CDH12: variants seen among roughly 807,000 people sequenced by gnomAD.
CDH12 encodes the protein cadherin-12.
Under a neutral mutation model 74.1 loss-of-function variants are expected in CDH12, and 41 were observed. That is an observed-to-expected ratio of 0.55 (90% CI 0.43 to 0.72). The LOEUF is 0.72. CDH12 is among the 30% of genes least tolerant of loss of function. The probability of loss-of-function intolerance (pLI) is 0.00; values close to 1 mark genes in which losing one functional copy is unlikely to be tolerated. For synonymous variants in CDH12, 399 were observed against 355.0 expected (o/e 1.12, Z -1.39); for missense variants, 945 against 977.2 (o/e 0.97, Z 0.44).
chr5:22,034,597 A>G (rs771535964), intron 5 of CDH12, among the ~76,000 whole-genome samples: 3 of 152,106 alleles, frequency 2.0e-5, no homozygotes, highest in Non-Finnish European at 4.4e-5. Flanking sequence ...ATAAAGGATA[A>G]TTTTCTAGTC....
At chr5:21,982,720 GT>G (rs1757362014) in intron 5 of CDH12, among the ~76,000 whole-genome samples, 1 of 151,334 alleles carries the variant, frequency 6.6e-6, no homozygotes, top group South Asian at 2.1e-4. Context: ...AGCCTTCTAA[GT>G]TTTGTCTATC....
intron 8 of CDH12, among the ~76,000 whole-genome samples, chr5:21,839,050 C>A (rs911500474): frequency 3.9e-5 from 6 of 152,140 alleles, no homozygotes; most frequent in African/African-American, 1.4e-4. Context: ...CAAAACAGCG[C>A]CCAATTTCAC....
intron 1 of CDH12, among the ~76,000 whole-genome samples, chr5:22,535,740 G>C (rs1737817041): frequency 6.6e-6 from 1 of 152,156 alleles, no homozygotes; most frequent in Non-Finnish European, 1.5e-5. Flanking sequence ...AAATTTATTT[G>C]ACCATAGAAT....
intron 12 of CDH12, 72 bp downstream of exon 12, chr5:21,764,906 G>T: frequency 7.0e-7 from 1 of 1,418,566 alleles, no homozygotes; most frequent in Non-Finnish European, 9.9e-7. Context: ...GCATATTCAT[G>T]TCTGGACTTA....
intron 6 of CDH12, among the ~76,000 whole-genome samples, chr5:21,931,162 T>A (rs1754818374): frequency 6.6e-6 from 1 of 152,144 alleles, no homozygotes; most frequent in African/African-American, 2.4e-5. Context: ...GAACAGGATA[T>A]CTTATTAGTA....
intron 6 of CDH12, among the ~76,000 whole-genome samples, chr5:21,894,205 C>A (rs767406196): frequency 4.0e-5 from 6 of 151,726 alleles, no homozygotes; most frequent in Non-Finnish European, 8.8e-5. Flanking sequence ...ATAGTGACAC[C>A]TTGTCTCTAC....
chr5:22,375,271 C>T (rs190117481), intron 3 of CDH12, among the ~76,000 whole-genome samples: 1 of 152,160 alleles, frequency 6.6e-6, no homozygotes, highest in Non-Finnish European at 1.5e-5. Flanking sequence ...ACTCCTATCT[C>T]TCCCCATACA....
At chr5:22,247,543 C>T (rs577437889) in intron 3 of CDH12, among the ~76,000 whole-genome samples, 64 of 152,100 alleles carry the variant, frequency 4.2e-4, no homozygotes, top group Non-Finnish European at 6.9e-4. Flanking sequence ...GGCATGGTGG[C>T]GCGTGCCTGT....
chr5:22,831,898 C>A (rs990426696), intron 1 of CDH12, among the ~76,000 whole-genome samples: 5 of 151,114 alleles, frequency 3.3e-5, no homozygotes, highest in African/African-American at 1.2e-4. Context: ...CTCTGTCCCC[C>A]CCAAAAAAAA....
chr5:22,686,904 A>G (rs1200626254), intron 1 of CDH12, among the ~76,000 whole-genome samples: 1 of 151,688 alleles, frequency 6.6e-6, no homozygotes. Flanking sequence ...TGTTAAAAAT[A>G]CTCTCTTTTT....
intron 10 of CDH12, among the ~76,000 whole-genome samples, chr5:21,796,351 T>C (rs1252372073): frequency 1.3e-5 from 2 of 148,726 alleles, no homozygotes; most frequent in Non-Finnish European, 3.0e-5. Context: ...GAGTTGAATA[T>C]CTTATGTAAT....
intron 1 of CDH12, among the ~76,000 whole-genome samples, chr5:22,657,598 T>G (rs1438747009): frequency 6.6e-6 from 1 of 152,196 alleles, no homozygotes; most frequent in Non-Finnish European, 1.5e-5. Context: ...ATGATTTAGC[T>G]AGTCCACATT....
intron 3 of CDH12, among the ~76,000 whole-genome samples, chr5:22,401,172 A>AC (rs1429140060): frequency 2.6e-5 from 4 of 152,090 alleles, no homozygotes; most frequent in African/African-American, 9.6e-5. Flanking sequence ...TCTTTCGGAC[A>AC]CCATTGGAAG....
At chr5:22,340,048 TA>T (rs2150453706) in intron 3 of CDH12, among the ~76,000 whole-genome samples, 1 of 152,348 alleles carries the variant, frequency 6.6e-6, no homozygotes, top group East Asian at 1.9e-4. Flanking sequence ...GGAAAGTCAT[TA>T]AATTCAATTT....
intron 4 of CDH12, among the ~76,000 whole-genome samples, chr5:22,088,679 A>T (rs1743223585): frequency 1.3e-5 from 2 of 152,020 alleles, no homozygotes; most frequent in Non-Finnish European, 2.9e-5. Flanking sequence ...CAGAGTGTAA[A>T]CTCCTTGTCT....
chr5:21,970,624 G>T (rs1333330526), intron 6 of CDH12, among the ~76,000 whole-genome samples: 1 of 151,608 alleles, frequency 6.6e-6, no homozygotes, highest in Non-Finnish European at 1.5e-5. Flanking sequence ...CAAATCACTT[G>T]AGTTCAGGAG....
chr5:21,806,105 G>A (rs1029668434), intron 9 of CDH12, among the ~76,000 whole-genome samples: 1 of 152,130 alleles, frequency 6.6e-6, no homozygotes, highest in Admixed American at 6.6e-5. Context: ...GTTCTACAGA[G>A]ACTCAAGGGA....
intron 5 of CDH12, among the ~76,000 whole-genome samples, chr5:21,987,126 G>A (rs1757550660): frequency 1.3e-5 from 2 of 151,924 alleles, no homozygotes; most frequent in South Asian, 4.1e-4. Flanking sequence ...TTCTATTTAT[G>A]TTTTATTTTC....
intron 3 of CDH12, among the ~76,000 whole-genome samples, chr5:22,368,366 G>A (rs1396654222): frequency 1.3e-5 from 2 of 151,630 alleles, no homozygotes; most frequent in Non-Finnish European, 2.9e-5. Context: ...TGATACAATC[G>A]AAGCTCACTG....
Sources: allele counts gnomAD v4.1 joint callset (sites outside exome capture counted in the v4.1 genomes callset), GRCh38; gene constraint gnomAD v4.1.1; transcripts MANE v1.5; gene names NCBI Gene and HGNC (gene_info 2026-07-23, HGNC 2026-07-21).